RAD21: variants seen among roughly 807,000 people sequenced by gnomAD.
RAD21 encodes the protein double-strand-break repair protein rad21 homolog.
A neutral mutation model predicts 71.5 loss-of-function variants in RAD21; 18 were observed. The ratio of observed to expected loss-of-function variants is 0.25; its 90% CI spans 0.17 to 0.37. RAD21 has a LOEUF of 0.37. RAD21 is among the 10% of genes least tolerant of loss of function. RAD21 has a pLI of 1.00. For missense variants in RAD21, 493 were observed against 769.1 expected, an observed-to-expected ratio of 0.64 and a Z score of 4.25; for synonymous variants, 248 against 254.0, an observed-to-expected ratio of 0.98 and a Z score of 0.22.
chr8:116,850,885 C>A, intron 11 of RAD21, 118 bp from the exon 12 acceptor site: 1 of 605,642 alleles, frequency 1.7e-6, no homozygotes. Context: ...GAGATTATAT[C>A]TCTATACTTC....
chr8:116,867,510 G>C (rs909936925), intron 1 of RAD21, among the ~76,000 whole-genome samples: 1 of 152,076 alleles, frequency 6.6e-6, no homozygotes, highest in African/African-American at 2.4e-5. Flanking sequence ...ATTAAGAAAG[G>C]CCGCTTGAAA....
rs16889040 is a variant in RAD21 at position 116,866,452 on chromosome 8, C to T, written c.144+134G>A. The T allele has an allele frequency of 0.27, 190,577 of 712,942 alleles. 28,209 individuals carry two copies. Among genetic ancestry groups the T allele is most frequent in the South Asian group, 0.47 (17,623 of 37,510 alleles). 44.2% of individuals were successfully genotyped at this position (712,942 alleles called of 1,614,324 possible). A position where few individuals can be genotyped will look rare whatever the true frequency, so the allele number is the denominator to read the frequency against. ...CTATCTAGAGGTGATAAGGACTTCA[C>T]ATAATAAAGAAACATTTCTAAGGAT... On this transcript the variant is annotated intron_variant, in intron 2 of 13. Transcript: ENST00000297338.
chr8:116,850,360 C>A (rs1307210029), intron 12 of RAD21, among the ~76,000 whole-genome samples: 1 of 152,150 alleles, frequency 6.6e-6, no homozygotes, highest in Non-Finnish European at 1.5e-5. Context: ...AATTTAGAAG[C>A]CAAGCAAGAA....
At chr8:116,854,213 A>T (rs780794833) in intron 9 of RAD21, 32 bp downstream of exon 9, 4 of 1,489,570 alleles carry the variant, frequency 2.7e-6, no homozygotes, top group Non-Finnish European at 3.7e-6. Flanking sequence ...CTCAAAATGT[A>T]TATGAAGTAA....
chr8:116,863,264 GAAT>G lies in RAD21; in HGVS notation c.145-8_145-6del. 1.9e-6 allele frequency: 3 copies of G among 1,606,352 alleles called. No homozygotes were observed. Among genetic ancestry groups the G allele is most frequent in the Non-Finnish European group, 2.6e-6 (3 of 1,175,078 alleles). On this transcript the variant is annotated splice_region_variant and splice_polypyrimidine_tract_variant and intron_variant, in intron 2 of 13. Coordinates refer to ENST00000297338, the MANE Select transcript of RAD21 (RefSeq NM_006265.3). ...TGTCCGTAATGCCATTTTCACCTAT[GAAT>G]AAAACATTAATCATATTCCAAAACC...
intron 1 of RAD21, among the ~76,000 whole-genome samples, chr8:116,873,941 G>A (rs987772340): frequency 3.3e-5 from 5 of 152,184 alleles, no homozygotes; most frequent in Non-Finnish European, 7.3e-5. Flanking sequence ...CTTGGAAAAA[G>A]AAGCAACTTC....
chr8:116,862,040 T>C, intron 3 of RAD21, 100 bp from the exon 4 acceptor site: 1 of 892,042 alleles, frequency 1.1e-6, no homozygotes, highest in Non-Finnish European at 1.8e-6. Context: ...TATATTCTCA[T>C]AGAAAGGTTG....
Position 116,856,495 on chromosome 8 carries a change from A to C in RAD21, c.814+151T>G. 2 of 1,221,714 alleles carry C rather than the reference A, an allele frequency of 1.6e-6. 1 individual carries two copies. The highest frequency in any genetic ancestry group is 4.4e-4 in the Middle Eastern group (2 of 4,576). 75.7% of individuals were successfully genotyped at this position (1,221,714 alleles called of 1,614,324 possible). On this transcript the variant is annotated intron_variant, in intron 7 of 13. Coordinates refer to ENST00000297338, the MANE Select transcript of RAD21 (RefSeq NM_006265.3). ...AATGGGGAGGGGTGCAAGATTAAAC[A>C]TAGAATCAGAACCAGTAATCATAAG...
chr8:116,864,570 T>A (rs1045856965), intron 2 of RAD21, among the ~76,000 whole-genome samples: 5 of 152,172 alleles, frequency 3.3e-5, no homozygotes, highest in South Asian at 2.1e-4. Context: ...TCCCTAATTT[T>A]AAAAAAATTC....
At chr8:116,849,632 C>A (rs1812310802) in intron 12 of RAD21, 2 of 152,098 alleles carry the variant, frequency 1.3e-5, no homozygotes, top group Non-Finnish European at 2.9e-5. Flanking sequence ...TTTTTAAAGT[C>A]CAAGGTGGGT....
At position 116,863,982 on chromosome 8, in the gene RAD21, G is replaced by C. The variant is rs560504176; in HGVS notation, c.145-723C>G. ...TTTTTAACTAAGTTTCCATTAATTG[G>C]AAAGCATACCGATTTAAAAAAAAAA... On this transcript the variant is annotated intron_variant, in intron 2 of 13. Coordinates refer to ENST00000297338, the MANE Select transcript of RAD21 (RefSeq NM_006265.3). Among the ~76,000 whole-genome samples the C allele has an allele frequency of 2.0e-5, 3 of 151,808 alleles. No homozygotes were observed. The South Asian group carries it at 6.3e-4, about 32-fold the overall frequency.
intron 1 of RAD21, among the ~76,000 whole-genome samples, chr8:116,870,518 G>A (rs1259245391): frequency 6.6e-6 from 1 of 152,118 alleles, no homozygotes; most frequent in Non-Finnish European, 1.5e-5. Context: ...TTCCCATACC[G>A]GAAGAGAGCC....
chr8:116,867,321 A>C (rs1284004442), intron 1 of RAD21, among the ~76,000 whole-genome samples: 3 of 152,216 alleles, frequency 2.0e-5, no homozygotes, highest in African/African-American at 7.2e-5. Flanking sequence ...ATCGAAGTTC[A>C]AAAAAGGTAA....
chr8:116,862,348 T>C (rs1269657697), intron 3 of RAD21, among the ~76,000 whole-genome samples: 2 of 152,110 alleles, frequency 1.3e-5, no homozygotes, highest in African/African-American at 4.8e-5. Flanking sequence ...TCAAGTTGTC[T>C]ATAATAAATA....
At chr8:116,870,562 T>C (rs889985147) in intron 1 of RAD21, among the ~76,000 whole-genome samples, 1 of 152,192 alleles carries the variant, frequency 6.6e-6, no homozygotes, top group Non-Finnish European at 1.5e-5. Context: ...ACTTCAAGCC[T>C]TAAAATGTTA....
intron 4 of RAD21, 29 bp downstream of exon 4, chr8:116,861,812 A>G (rs1812598374): frequency 6.5e-7 from 1 of 1,541,260 alleles, no homozygotes; most frequent in Non-Finnish European, 9.0e-7. Context: ...AGACCAAGTC[A>G]ACAATTTTTT....
intron 2 of RAD21, among the ~76,000 whole-genome samples, chr8:116,865,848 A>C (rs750103735): frequency 1.3e-4 from 20 of 152,096 alleles, no homozygotes; most frequent in Non-Finnish European, 2.9e-4. Context: ...GATTTCTTAT[A>C]AACACCCCCT....
rs1437032957 is a variant in RAD21 at position 116,856,262 on chromosome 8, C to G, written c.841G>C (p.Val281Leu). 2 of 1,528,358 alleles carry G rather than the reference C, an allele frequency of 1.3e-6. No homozygotes were observed. The highest frequency in any genetic ancestry group is 1.5e-5 in the African/African-American group (1 of 64,930). The allele number at this position is 1,528,358 out of a possible 1,614,324, so 94.7% of individuals were successfully genotyped here. A position where few individuals can be genotyped will look rare whatever the true frequency, so the allele number is the denominator to read the frequency against. Reference protein sequence around the residue: ...SMGGPDSPDSVDPVEPMPTMT... With the variant: ...SMGGPDSPDSLDPVEPMPTMT... ...GTTGGCATTGGTTCAACGGGATCCA[C>G]TGAATCAGGACTATCAGGCCCACCC... Residue 281 changes from valine to leucine, a missense_variant, in exon 8 of 14, where the codon GTG becomes CTG. By Grantham distance (32) the Val-to-Leu change is conservative. Transcript: ENST00000297338.
chr8:116,863,749 T>C lies in RAD21; in HGVS notation c.145-490A>G, dbSNP rs969779228. 2.6e-5 allele frequency among the ~76,000 whole-genome samples: 4 copies of C among 152,188 alleles called. No homozygotes were observed. In the South Asian group the frequency reaches 8.3e-4, roughly 32 times the overall value. On this transcript the variant is annotated intron_variant, in intron 2 of 13. Transcript: ENST00000297338. ...ACAACGCCTCTCTTCCTTCCCTCTT[T>C]CCTGCTTTGTGAATAGGTAGGGCTT...
Sources: gnomAD v4.1 joint callset for allele counts (sites outside exome capture counted in the v4.1 genomes callset) on GRCh38, gnomAD v4.1.1 for gene constraint, MANE v1.5 for transcripts, NCBI Gene and HGNC (gene_info 2026-07-23, HGNC 2026-07-21) for gene names.